ZKSCAN7: variants seen among roughly 807,000 people sequenced by gnomAD.
ZKSCAN7 encodes zinc finger with KRAB and SCAN domains 7, also known as zinc finger protein with KRAB and SCAN domains 7.
In ZKSCAN7, 38 loss-of-function variants were observed where a neutral mutation model predicts 65.3. The observed-to-expected ratio is 0.58, with a 90% CI of 0.45 to 0.76. The LOEUF (loss-of-function observed/expected upper bound fraction) is 0.76, where lower values mean the gene tolerates loss of function less well. Ranked by LOEUF, ZKSCAN7 falls within the 30% of genes least tolerant of loss-of-function variation. The pLI is 0.00. For synonymous variants in ZKSCAN7, 321 were observed against 321.0 expected, an observed-to-expected ratio of 1.00 and a Z score of 0.00; for missense variants, 815 against 913.3, an observed-to-expected ratio of 0.89 and a Z score of 1.39.
At position 44,557,262 on chromosome 3, in the gene ZKSCAN7, T is replaced by C. The variant is rs1699323595; in HGVS notation, c.215T>C (p.Leu72Ser). The C allele has an allele frequency of 3.1e-6, 5 of 1,614,142 alleles. No individual in the cohort carries two copies. Among genetic ancestry groups the C allele is most frequent in the Non-Finnish European group, 4.2e-6 (5 of 1,180,056 alleles). ...GAGATGTCTGGGCCGCAGGAAGCATTGAGCCGGCTTCGGGAGCTCTGCCGC... is the reference window on the plus strand; with the variant it reads ...GAGATGTCTGGGCCGCAGGAAGCATCGAGCCGGCTTCGGGAGCTCTGCCGC... ...YHEMSGPQEA[L>S]SRLRELCRWW... Residue 72 changes from leucine (L) to serine (S), a missense_variant, in exon 2 of 6, where the codon TTG becomes TCG. Leu to Ser is a moderately radical substitution (Grantham distance 145). Transcript: ENST00000426540.
At chr3:44,579,888 T>C (rs1316070653) in intron 5 of ZKSCAN7, 10 of 1,604,930 alleles carry the variant, frequency 6.2e-6, no homozygotes, top group Admixed American at 1.7e-5. Context: ...AGGTCGGGCG[T>C]CACGGAGGGC....
chr3:44,582,858 A>C, intron 5 of ZKSCAN7: 1 of 364,042 alleles, frequency 2.7e-6, no homozygotes, highest in South Asian at 2.0e-5. Flanking sequence ...GGTGAAAGGG[A>C]AGACTAAGTA....
chr3:44,571,794 C>T lies in ZKSCAN7; in HGVS notation c.*419C>T. Reference sequence around the variant, plus strand: ...CTTCCTGCCTCTTGGCTATGGCCCTCCCCATCTACTCTTTAAACTTTAATC... The same window carrying T: ...CTTCCTGCCTCTTGGCTATGGCCCTTCCCATCTACTCTTTAAACTTTAATC... On this transcript the variant is annotated 3_prime_UTR_variant, in exon 6 of 6. Transcript: ENST00000426540. 1 of 1,007,056 alleles carries T rather than the reference C, an allele frequency of 9.9e-7. No homozygotes were observed. Among genetic ancestry groups the T allele is most frequent in the Non-Finnish European group, 1.2e-6 (1 of 842,562 alleles). 62.4% of individuals were successfully genotyped at this position (1,007,056 alleles called of 1,614,324 possible).
intron 5 of ZKSCAN7, among the ~76,000 whole-genome samples, chr3:44,579,399 C>T (rs1266136786): frequency 6.6e-6 from 1 of 152,222 alleles, no homozygotes; most frequent in East Asian, 1.9e-4. Flanking sequence ...CGGAACTCAG[C>T]CCAGTCAAAG....
chr3:44,576,908 A>ACC (rs1476521176), downstream of ZKSCAN7, among the ~76,000 whole-genome samples: 7 of 152,260 alleles, frequency 4.6e-5, no homozygotes, highest in Non-Finnish European at 8.8e-5. Context: ...GTTGTGAAAG[A>ACC]ACTGAATGTG....
In ZKSCAN7 at chr3:44,571,368, T is replaced by G. The variant is rs1318015115; in HGVS notation, c.2258T>G (p.Val753Gly). 1 of 1,613,972 alleles carries G rather than the reference T, an allele frequency of 6.2e-7. No individual in the cohort carries two copies. The highest frequency in any genetic ancestry group is 8.5e-7 in the Non-Finnish European group (1 of 1,180,034). ...GEKSSGLAWS[V>G]S ...AAGTCCTCAGGTCTGGCTTGGTCAG[T>G]TTCTTAAGGTATGGTTCTCTGAGAC... Residue 753 changes from valine (V) to glycine (G), a missense_variant, in exon 6 of 6, where the codon GTT (valine) becomes GGT (glycine). Around this residue, in one of 3 missense-constraint regions of ZKSCAN7, gnomAD observed 578 missense variants for 629.5 expected, o/e 0.92. Transcript: ENST00000426540.
intron 5 of ZKSCAN7, chr3:44,580,487 G>GGTGGTGGGGA (rs1428193590): frequency 1.2e-6 from 2 of 1,606,170 alleles, no homozygotes; most frequent in African/African-American, 2.7e-5. Context: ...TGCTGCTGCT[G>GGTGGTGGGGA]CTGGTGGTAA....
In ZKSCAN7 at chr3:44,571,275, G is replaced by T. The variant is rs755777222; in HGVS notation, c.2165G>T (p.Ser722Ile). 3 of 1,614,210 alleles carry T rather than the reference G, an allele frequency of 1.9e-6. No homozygotes were observed. Among genetic ancestry groups the T allele is most frequent in the Non-Finnish European group, 2.5e-6 (3 of 1,180,040 alleles). ...ACCGGAGAGAAACCTTATGAATGTA[G>T]TGAATGTGGGAAAGCCTTTAGTCAG... ...VHTGEKPYECSECGKAFSQRS... is the reference protein window; with the variant it reads ...VHTGEKPYECIECGKAFSQRS... The change falls in exon 6 of 6, where the codon AGT (serine) becomes ATT (isoleucine). Residue 722 changes from serine (S) to isoleucine (I), a missense_variant. This residue lies in a region of ZKSCAN7 where 578 missense variants were observed against 629.5 expected (regional missense o/e 0.92). Transcript: ENST00000426540.
downstream of ZKSCAN7, among the ~76,000 whole-genome samples, chr3:44,572,442 G>A (rs1223634029): frequency 6.6e-6 from 1 of 151,916 alleles, no homozygotes; most frequent in Non-Finnish European, 1.5e-5. Context: ...GTGAATGTGT[G>A]TGTATCTAGG....
In ZKSCAN7 at chr3:44,556,963, A is replaced by T; in HGVS notation, c.-85A>T. 5 of 1,577,544 alleles carry T rather than the reference A, an allele frequency of 3.2e-6. No individual in the cohort carries two copies. In the South Asian group the frequency reaches 3.4e-5, roughly 11 times the overall value. On this transcript the variant is annotated 5_prime_UTR_variant, in exon 2 of 6. An upstream open reading frame in the 5' UTR loses its in-frame stop. Transcript: ENST00000426540. ...ACCATCACCCCTTTCTCCAACCCTG[A>T]AAAACAGTTCCTGAGACCTGAACTA...
Position 44,570,215 on chromosome 3 carries a change from A to G in ZKSCAN7, c.1105A>G (p.Ser369Gly), listed in dbSNP as rs1189941566. The change falls in exon 6 of 6, where the codon AGT (serine) becomes GGT (glycine). Residue 369 changes from serine to glycine, a missense_variant. Physicochemically the swap from Ser to Gly is moderately conservative, Grantham distance 56. Coordinates refer to ENST00000426540, the MANE Select transcript of ZKSCAN7 (RefSeq NM_001288590.2). ...TGGGGAACATCCACCTCTGTCTTCC[A>G]GTCCTGTTGAACATGAAGGAGTTTT... ...EVGEHPPLSS[S>G]PVEHEGVLKG... The G allele has an allele frequency of 1.2e-6, 2 of 1,614,158 alleles. No homozygotes were observed. Among genetic ancestry groups the G allele is most frequent in the African/African-American group, 1.3e-5 (1 of 74,956 alleles).
At chr3:44,580,688 C>T (rs539264498) in intron 5 of ZKSCAN7, 365 of 1,613,948 alleles carry the variant, frequency 2.3e-4, no homozygotes, top group Non-Finnish European at 2.9e-4. Flanking sequence ...ACCTCTGGCC[C>T]GTGCGGCCCT....
chr3:44,570,997 C>T lies in ZKSCAN7; in HGVS notation c.1887C>T (p.His629=). ...SKCLIRHQRL[H]TGEKPYKCNE... ...GTCTTATTCGGCACCAGAGACTTCA[C>T]ACGGGTGAAAAGCCCTATAAATGCA... Residue 629 remains histidine (H), a synonymous_variant, in exon 6 of 6, where the codon CAC becomes CAT. Transcript: ENST00000426540. The T allele has an allele frequency of 6.2e-7, 1 of 1,614,176 alleles. No individual in the cohort carries two copies. The highest frequency in any genetic ancestry group is 8.5e-7 in the Non-Finnish European group (1 of 1,180,038).
intron 5 of ZKSCAN7, among the ~76,000 whole-genome samples, chr3:44,579,276 G>A (rs1281084931): frequency 2.0e-5 from 3 of 152,162 alleles, no homozygotes; most frequent in East Asian, 1.9e-4. Flanking sequence ...TCCCGCCTCC[G>A]TGCACGCTCC....
In ZKSCAN7 at chr3:44,557,378, C is replaced by T. The variant is rs767975850; in HGVS notation, c.331C>T (p.Arg111Trp). Residue 111 changes from arginine (R) to tryptophan (W), a missense_variant, in exon 2 of 6, where the codon CGG becomes TGG. Arg to Trp is a moderately radical substitution (Grantham distance 101). Around this residue, in one of 3 missense-constraint regions of ZKSCAN7, gnomAD observed 227 missense variants for 253.3 expected, o/e 0.90. Transcript: ENST00000426540. ...CCTGAGCATCCTCCCTGGGGAGCTC[C>T]GGACCTGGGTGCAGCTGCATCACCC... ...QFLSILPGEL[R>W]TWVQLHHPES... 2.6e-5 allele frequency: 42 copies of T among 1,614,106 alleles called. No homozygotes were observed. The highest frequency in any genetic ancestry group is 9.9e-5 in the South Asian group (9 of 91,088).
At chr3:44,567,214 A>G (rs1293254218) in intron 3 of ZKSCAN7, among the ~76,000 whole-genome samples, 1 of 152,002 alleles carries the variant, frequency 6.6e-6, no homozygotes, top group East Asian at 1.9e-4. Context: ...GAGGGAGCAA[A>G]AGAAAAGAAA....
intron 5 of ZKSCAN7, chr3:44,580,670 C>A: frequency 6.2e-7 from 1 of 1,613,974 alleles, no homozygotes; most frequent in East Asian, 2.2e-5. Flanking sequence ...TCAGAATACA[C>A]AGGGAGAACC....
rs761279552 is a variant in ZKSCAN7, at chr3:44,570,400, C to T, written c.1290C>T (p.Leu430=). The T allele has an allele frequency of 6.2e-6, 10 of 1,613,702 alleles. No homozygotes were observed. The highest frequency in any genetic ancestry group is 8.5e-6 in the Non-Finnish European group (10 of 1,179,876). The change falls in exon 6 of 6, where the codon CTC becomes CTT. Residue 430 remains leucine (L), a synonymous_variant. Transcript: ENST00000426540. ...FRQTSQLIVH[L]RTHTGEKPYE... is the part of the protein sequence containing the mutation. ...AAACCTCCCAGCTCATTGTTCATCT[C>T]AGAACCCACACAGGGGAAAAACCCT... is the stretch of plus-strand genomic sequence containing the variant.
At chr3:44,566,214 G>A (rs533939553) in intron 3 of ZKSCAN7, among the ~76,000 whole-genome samples, 3 of 152,278 alleles carry the variant, frequency 2.0e-5, no homozygotes, top group African/African-American at 7.2e-5. Flanking sequence ...ACCCTAAGCT[G>A]GAGATTCCTT....
Sources: gnomAD v4.1 joint callset for allele counts (sites outside exome capture counted in the v4.1 genomes callset) on GRCh38, gnomAD v4.1.1 for gene constraint, gnomAD v4.1.1 regional missense constraint, MANE v1.5 for transcripts, NCBI Gene and HGNC (gene_info 2026-07-23, HGNC 2026-07-21) for gene names.